Variants in ARHGAP23 observed in about 807,000 individuals in gnomAD.
ARHGAP23 encodes rho GTPase-activating protein 23.
ARHGAP23 carries 34 observed loss-of-function variants against 136.3 expected under a neutral mutation model. That is an observed-to-expected ratio of 0.25 (90% CI 0.19 to 0.33). The LOEUF (loss-of-function observed/expected upper bound fraction) is 0.33. ARHGAP23 is among the 10% of genes least tolerant of loss of function. ARHGAP23 has a pLI of 1.00. For missense variants in ARHGAP23, 1,808 were observed against 2,139.0 expected, an observed-to-expected ratio of 0.85 and a Z score of 3.05; for synonymous variants, 832 against 920.5, an observed-to-expected ratio of 0.90 and a Z score of 1.74.
intron 1 of ARHGAP23, among the ~76,000 whole-genome samples, chr17:38,421,980 G>C (rs1180249343): frequency 6.6e-6 from 1 of 152,224 alleles, no homozygotes; most frequent in East Asian, 1.9e-4. Flanking sequence ...CATGTGCAGT[G>C]ATGTGTGGGG....
intron 16 of ARHGAP23, among the ~76,000 whole-genome samples, chr17:38,483,984 C>T (rs1330678438): frequency 6.6e-6 from 1 of 152,140 alleles, no homozygotes; most frequent in Non-Finnish European, 1.5e-5. Context: ...CATTTGATGG[C>T]TTCACTGAAG....
chr17:38,466,913 C>T lies in ARHGAP23; in HGVS notation c.1230C>T (p.Gly410=), dbSNP rs762296973. ...PQAPPPSGLQ[G]LDDLGYIGYR... is the part of the protein sequence containing the mutation. ...CCCCACCCCCGTCTGGCCTGCAGGG[C>T]CTGGATGACCTCGGGTACATCGGCT... The change falls in exon 7 of 24, where the codon GGC becomes GGT. Residue 410 remains glycine (G), a synonymous_variant. Transcript: ENST00000622683. 19 of 1,550,356 alleles carry T rather than the reference C, an allele frequency of 1.2e-5. No homozygotes were observed. The South Asian group carries it at 2.0e-4, about 17-fold the overall frequency.
At chr17:38,436,333 T>A (rs2038796578) in intron 1 of ARHGAP23, among the ~76,000 whole-genome samples, 1 of 152,068 alleles carries the variant, frequency 6.6e-6, no homozygotes, top group Admixed American at 6.5e-5. Context: ...GAAAGCCTTA[T>A]CTGAGAGACG....
intron 20 of ARHGAP23, among the ~76,000 whole-genome samples, chr17:38,496,167 G>A (rs1308417443): frequency 1.3e-5 from 2 of 152,082 alleles, no homozygotes; most frequent in African/African-American, 2.4e-5. Context: ...CAAAGTGCTG[G>A]GATTACAGAT....
Position 38,510,832 on chromosome 17 carries a change from G to A in ARHGAP23, c.4336G>A (p.Gly1446Arg), listed in dbSNP as rs767112091. 1 of 1,509,260 alleles carries A rather than the reference G, an allele frequency of 6.6e-7. No individual in the cohort carries two copies. The highest frequency in any genetic ancestry group is 8.8e-7 in the Non-Finnish European group (1 of 1,134,014). The allele number at this position is 1,509,260 out of a possible 1,614,324, so 93.5% of individuals were successfully genotyped here. The stretch of plus-strand genomic sequence containing the variant: ...GGCGCACAGTGACAACAAGGACTCC[G>A]GACTCAGCAGCCTGGAGTCCACCAA... ...ARAHSDNKDS[G>R]LSSLESTKAR... Residue 1446 changes from glycine to arginine, a missense_variant, in exon 24 of 24, where the codon GGA (glycine) becomes AGA (arginine). Around this residue, in one of 7 missense-constraint regions of ARHGAP23, gnomAD observed 506 missense variants for 455.8 expected, o/e 1.11. Transcript: ENST00000622683. This position sits in a 1 kb window ranked among gnomAD's most constrained non-coding sequence, Gnocchi z 4.6.
intron 23 of ARHGAP23, among the ~76,000 whole-genome samples, chr17:38,503,972 G>T (rs937431157): frequency 4.6e-5 from 7 of 152,112 alleles, no homozygotes. Context: ...TCATTTTTAC[G>T]GAAGACCCTT....
At chr17:38,470,428 C>T (rs1056390769) in intron 10 of ARHGAP23, among the ~76,000 whole-genome samples, 3 of 152,126 alleles carry the variant, frequency 2.0e-5, no homozygotes, top group African/African-American at 7.2e-5. Flanking sequence ...GGGATGGGGT[C>T]GGGGTGGACA....
In ARHGAP23 at chr17:38,510,267, C is replaced by G; in HGVS notation, c.3771C>G (p.Asp1257Glu). Residue 1257 changes from aspartate (D) to glutamate (E), a missense_variant, in exon 24 of 24, where the codon GAC (aspartate) becomes GAG (glutamate). By Grantham distance (45) the Asp-to-Glu change is conservative (BLOSUM62 2). Coordinates refer to ENST00000622683, the MANE Select transcript of ARHGAP23 (RefSeq NM_001199417.2). The surrounding 1 kb of genome is among the most constrained non-coding windows in gnomAD (Gnocchi z 4.6). ...GCTACTCCACCCTGTCCACCATGGA[C>G]CGCAGCGTGTGCTCGGGCGCTAGCG... ...VSGYSTLSTM[D>E]RSVCSGASGR... The G allele has an allele frequency of 7.7e-7, 1 of 1,305,770 alleles. No homozygotes were observed. The highest frequency in any genetic ancestry group is 9.7e-7 in the Non-Finnish European group (1 of 1,028,448). The allele number at this position is 1,305,770 out of a possible 1,614,324, so 80.9% of individuals were successfully genotyped here. A position where few individuals can be genotyped will look rare whatever the true frequency, so the allele number is the denominator to read the frequency against.
intron 1 of ARHGAP23, 143 bp downstream of exon 1, chr17:38,428,691 A>G: frequency 2.0e-6 from 1 of 496,864 alleles, no homozygotes; most frequent in Non-Finnish European, 3.2e-6. Flanking sequence ...CGCTGCGGGG[A>G]GATTCAGCTG....
intron 1 of ARHGAP23, among the ~76,000 whole-genome samples, chr17:38,447,341 C>G (rs979557947): frequency 5.0e-5 from 7 of 138,812 alleles, no homozygotes; most frequent in Admixed American, 2.3e-4. Context: ...ACTCGGGAGG[C>G]TGAGGCAGGA....
In ARHGAP23 at chr17:38,475,077, T is replaced by G. The variant is rs538175290; in HGVS notation, c.2119-2502T>G. On this transcript the variant is annotated intron_variant, in intron 11 of 23. Coordinates refer to ENST00000622683, the MANE Select transcript of ARHGAP23 (RefSeq NM_001199417.2). The stretch of plus-strand genomic sequence containing the variant: ...CTCCCTTGCTGGCCAAAACCCGATA[T>G]CACTTGTTCTCTTGGTGCCGTGGCC... Among the ~76,000 whole-genome samples, 4 of 152,336 alleles carry G rather than the reference T, an allele frequency of 2.6e-5. No individual in the cohort carries two copies. In the East Asian group the frequency reaches 7.7e-4, roughly 29 times the overall value.
intron 1 of ARHGAP23, among the ~76,000 whole-genome samples, chr17:38,454,590 C>G (rs554226354): frequency 1.3e-5 from 2 of 152,052 alleles, no homozygotes; most frequent in Non-Finnish European, 2.9e-5. Flanking sequence ...CGAGGGTTTC[C>G]TAGTGGGCAG....
intron 11 of ARHGAP23, among the ~76,000 whole-genome samples, chr17:38,476,516 C>T (rs1026130156): frequency 2.6e-5 from 4 of 152,084 alleles, no homozygotes; most frequent in Non-Finnish European, 4.4e-5. Flanking sequence ...GCAAAGTGCC[C>T]ATGGGACCTG....
intron 23 of ARHGAP23, among the ~76,000 whole-genome samples, chr17:38,504,304 G>A (rs1440438960): frequency 1.3e-5 from 2 of 152,214 alleles, no homozygotes; most frequent in East Asian, 1.9e-4. Flanking sequence ...GGACAGGGAC[G>A]TTGAGTTGTG....
rs183698111 is a variant in ARHGAP23, at chr17:38,478,999, G to A, written c.2437-437G>A. Among the ~76,000 whole-genome samples the A allele has an allele frequency of 3.9e-5, 6 of 152,326 alleles. No individual in the cohort carries two copies. In the East Asian group the frequency reaches 1.2e-3, roughly 29 times the overall value. Reference sequence around the variant, plus strand: ...CCCGGGAACAGCTTTCCCCACTGCAGGGAGGAAGGCACCTGGAATTTGGGC... The same window carrying A: ...CCCGGGAACAGCTTTCCCCACTGCAAGGAGGAAGGCACCTGGAATTTGGGC... On this transcript the variant is annotated intron_variant, in intron 12 of 23. Transcript: ENST00000622683.
At chr17:38,496,144 C>T (rs1340664724) in intron 20 of ARHGAP23, among the ~76,000 whole-genome samples, 24 of 151,882 alleles carry the variant, frequency 1.6e-4, no homozygotes, top group South Asian at 6.3e-4. Context: ...GTGATCCGCC[C>T]GCCTCAGCCT....
rs1241989813 is a variant in ARHGAP23 at position 38,448,858 on chromosome 17, C to CTTTTTT, written c.64-9232_64-9227dup. Among the ~76,000 whole-genome samples the CTTTTTT allele has an allele frequency of 2.3e-3, 282 of 124,126 alleles. 10 individuals are homozygous for CTTTTTT. Among genetic ancestry groups the CTTTTTT allele is most frequent in the Middle Eastern group, 8.5e-3 (2 of 234 alleles). 81.4% of individuals were successfully genotyped at this position (124,126 alleles called of 152,430 possible). A position where few individuals can be genotyped will look rare whatever the true frequency, so the allele number is the denominator to read the frequency against. The stretch of plus-strand genomic sequence containing the variant: ...ATGGGGTCTTGCCAAGTTGCCCAGC[C>CTTTTTT]TTTTTTTTTTTTTTTTTGAGACCGG... On this transcript the variant is annotated intron_variant, in intron 1 of 23. Coordinates refer to ENST00000622683, the MANE Select transcript of ARHGAP23 (RefSeq NM_001199417.2).
At chr17:38,488,548 T>C (rs906605404) in intron 17 of ARHGAP23, among the ~76,000 whole-genome samples, 7 of 152,336 alleles carry the variant, frequency 4.6e-5, no homozygotes, top group African/African-American at 1.7e-4. Flanking sequence ...TTGTTGTTGT[T>C]GTTTTGTTTT....
At chr17:38,441,145 T>C (rs1333614102) in intron 1 of ARHGAP23, among the ~76,000 whole-genome samples, 2 of 152,198 alleles carry the variant, frequency 1.3e-5, no homozygotes, top group Non-Finnish European at 1.5e-5. Context: ...CAATCAGACC[T>C]GCCTGCTGCT....
Sources: allele counts gnomAD v4.1 joint callset (sites outside exome capture counted in the v4.1 genomes callset), GRCh38; gene constraint gnomAD v4.1.1; regional missense constraint gnomAD v4.1.1; non-coding constraint Gnocchi (gnomAD v3.1); transcripts MANE v1.5; gene names NCBI Gene and HGNC (gene_info 2026-07-23, HGNC 2026-07-21).